The following WWOX variants were observed in gnomAD, a reference collection of about 807,000 sequenced individuals.
The protein encoded by WWOX is WW domain containing oxidoreductase, also known as WW domain-containing oxidoreductase.
In WWOX, 69 loss-of-function variants were observed where a neutral mutation model predicts 46.2. The ratio of observed to expected loss-of-function variants is 1.49; its 90% CI spans 1.23 to 1.82. The LOEUF is 1.82. Ranked by LOEUF, WWOX falls within the 40% of genes most tolerant of loss-of-function variation. The probability of loss-of-function intolerance (pLI) is 0.00; values close to 1 mark genes in which losing one functional copy is unlikely to be tolerated. For synonymous variants in WWOX, 359 were observed against 202.6 expected (o/e 1.77, Z -6.56); for missense variants, 919 against 542.6 (o/e 1.69, Z -6.89).
chr16:78,639,617 G>C (rs1225297283), intron 8 of WWOX, among the ~76,000 whole-genome samples: 2 of 152,004 alleles, frequency 1.3e-5, no homozygotes, highest in African/African-American at 4.8e-5. Flanking sequence ...AGGCTGGGGT[G>C]CAATGGTATG....
chr16:78,939,291 C>T (rs541369626), intron 8 of WWOX, among the ~76,000 whole-genome samples: 1 of 152,188 alleles, frequency 6.6e-6, no homozygotes, highest in East Asian at 1.9e-4. Context: ...AGAGAGGCTG[C>T]TACCTGGATG....
intron 8 of WWOX, among the ~76,000 whole-genome samples, chr16:78,523,797 A>G (rs1011321855): frequency 6.6e-6 from 1 of 152,184 alleles, no homozygotes; most frequent in African/African-American, 2.4e-5. Context: ...GGCCTCTGGA[A>G]CAGCTGCTCA....
chr16:78,316,549 G>C (rs1049609140), intron 5 of WWOX, among the ~76,000 whole-genome samples: 11 of 152,042 alleles, frequency 7.2e-5, no homozygotes, highest in Admixed American at 6.6e-5. Context: ...TGCGGTGTTG[G>C]CCAGGCTGTT....
chr16:79,170,319 A>T (rs1415171982), intron 8 of WWOX, among the ~76,000 whole-genome samples: 1 of 152,216 alleles, frequency 6.6e-6, no homozygotes. Context: ...AAGCTACGTG[A>T]TCTATGCAAG....
intron 8 of WWOX, among the ~76,000 whole-genome samples, chr16:78,666,757 G>A (rs2047341237): frequency 6.6e-6 from 1 of 152,190 alleles, no homozygotes; most frequent in Non-Finnish European, 1.5e-5. Flanking sequence ...CTGTTTGGTT[G>A]TGTTCTTTCC....
chr16:78,382,970 C>T (rs558285409), intron 5 of WWOX, among the ~76,000 whole-genome samples: 1 of 151,658 alleles, frequency 6.6e-6, no homozygotes, highest in Admixed American at 6.6e-5. Flanking sequence ...AACTTCCAAT[C>T]ATGGCGAAGA....
At chr16:78,352,347 C>G (rs1036742590) in intron 5 of WWOX, among the ~76,000 whole-genome samples, 4 of 152,138 alleles carry the variant, frequency 2.6e-5, no homozygotes, top group African/African-American at 9.7e-5. Flanking sequence ...GGTCAGTGGT[C>G]CAAAATAGGT....
At chr16:78,292,298 G>C (rs1188279260) in intron 5 of WWOX, among the ~76,000 whole-genome samples, 1 of 152,138 alleles carries the variant, frequency 6.6e-6, no homozygotes, top group Non-Finnish European at 1.5e-5. Flanking sequence ...TTAGAAGAAT[G>C]AAAGATTGAA....
intron 8 of WWOX, among the ~76,000 whole-genome samples, chr16:78,862,464 C>A (rs979648467): frequency 2.0e-5 from 3 of 151,608 alleles, no homozygotes; most frequent in South Asian, 2.1e-4. Context: ...CAATATAGAT[C>A]TATAAACACA....
At chr16:78,720,871 T>C (rs149128425) in intron 8 of WWOX, among the ~76,000 whole-genome samples, 1 of 152,222 alleles carries the variant, frequency 6.6e-6, no homozygotes, top group Non-Finnish European at 1.5e-5. Context: ...AAAGATGGAT[T>C]AAAATTAATT....
chr16:78,441,632 G>A (rs755914188), intron 8 of WWOX, among the ~76,000 whole-genome samples: 4 of 152,072 alleles, frequency 2.6e-5, no homozygotes, highest in Admixed American at 6.6e-5. Flanking sequence ...CAGCTCTCGG[G>A]TCCAGCCCTA....
chr16:78,808,641 A>T (rs2051104927), intron 8 of WWOX, among the ~76,000 whole-genome samples: 1 of 152,148 alleles, frequency 6.6e-6, no homozygotes, highest in South Asian at 2.1e-4. Flanking sequence ...CAACAGAAAA[A>T]CATGCCATCA....
At chr16:78,370,130 CA>C (rs749015478) in intron 5 of WWOX, among the ~76,000 whole-genome samples, 70 of 76,092 alleles carry the variant, frequency 9.2e-4, no homozygotes, top group South Asian at 5.5e-3. Flanking sequence ...AGACTGTCTC[CA>C]AAAAAAAAAA....
chr16:79,073,182 T>TATTATTATC (rs1257804603), intron 8 of WWOX, among the ~76,000 whole-genome samples: 7 of 147,876 alleles, frequency 4.7e-5, no homozygotes, highest in African/African-American at 1.5e-4. Context: ...TTATTATTAT[T>TATTATTATC]ATTATTATTA....
At chr16:78,227,654 A>T (rs1189922866) in intron 5 of WWOX, among the ~76,000 whole-genome samples, 1 of 152,130 alleles carries the variant, frequency 6.6e-6, no homozygotes, top group East Asian at 1.9e-4. Context: ...AGGCGGGTGG[A>T]TCACTTGAGG....
chr16:79,068,654 A>G (rs945996344), intron 8 of WWOX, among the ~76,000 whole-genome samples: 1 of 151,376 alleles, frequency 6.6e-6, no homozygotes, highest in African/African-American at 2.4e-5. Context: ...CAACAACAAA[A>G]AAAAAAATTA....
intron 8 of WWOX, among the ~76,000 whole-genome samples, chr16:78,926,764 G>A (rs979900801): frequency 5.3e-5 from 8 of 152,116 alleles, no homozygotes; most frequent in Non-Finnish European, 1.2e-4. Flanking sequence ...ATGGGTGTGA[G>A]TATTGAGAGC....
chr16:78,740,221 A>G (rs2049184394), intron 8 of WWOX, among the ~76,000 whole-genome samples: 1 of 152,212 alleles, frequency 6.6e-6, no homozygotes, highest in African/African-American at 2.4e-5. Flanking sequence ...AATGGGACTC[A>G]GGAAGGCTGG....
intron 8 of WWOX, among the ~76,000 whole-genome samples, chr16:78,811,744 A>G (rs929438962): frequency 6.6e-5 from 10 of 151,916 alleles, no homozygotes; most frequent in Non-Finnish European, 1.5e-4. Flanking sequence ...TCTAAACCTA[A>G]CAACCTCTCC....
Sources: allele counts gnomAD v4.1 joint callset (sites outside exome capture counted in the v4.1 genomes callset), GRCh38; gene constraint gnomAD v4.1.1; transcripts MANE v1.5; gene names NCBI Gene and HGNC (gene_info 2026-07-23, HGNC 2026-07-21).